Variants in SLC9A9 observed in about 807,000 individuals in gnomAD.
SLC9A9 encodes the protein solute carrier family 9 member A9.
Under a neutral mutation model 77.8 loss-of-function variants are expected in SLC9A9, and 62 were observed. The ratio of observed to expected loss-of-function variants is 0.80; its 90% CI spans 0.65 to 0.98. SLC9A9 has a LOEUF of 0.98. Ranked by LOEUF, SLC9A9 falls within the 50% of genes least tolerant of loss-of-function variation. SLC9A9 has a pLI of 0.00. For synonymous variants in SLC9A9, 320 were observed against 283.5 expected (o/e 1.13, Z -1.29); for missense variants, 775 against 774.9 (o/e 1.00, Z 0.00).
intron 6 of SLC9A9, among the ~76,000 whole-genome samples, chr3:143,649,457 C>T (rs760583146): frequency 3.3e-5 from 5 of 152,244 alleles, no homozygotes; most frequent in Non-Finnish European, 7.4e-5. Context: ...TAGCACCCAC[C>T]ACCTGCTGCT....
intron 12 of SLC9A9, among the ~76,000 whole-genome samples, chr3:143,406,278 C>T (rs944773415): frequency 1.1e-4 from 16 of 152,214 alleles, no homozygotes; most frequent in Admixed American, 3.9e-4. Context: ...TTATTTAAAA[C>T]GGAGAATAAT....
At chr3:143,763,575 T>C (rs1466148849) in intron 4 of SLC9A9, among the ~76,000 whole-genome samples, 6 of 152,190 alleles carry the variant, frequency 3.9e-5, no homozygotes, top group African/African-American at 7.2e-5. Flanking sequence ...CCTCCTGTGA[T>C]AGGTGTTACT....
Position 143,433,169 on chromosome 3 carries a change from C to T in SLC9A9, c.1469+33868G>A, listed in dbSNP as rs987432303. Among the ~76,000 whole-genome samples, 4 of 152,112 alleles carry T rather than the reference C, an allele frequency of 2.6e-5. No homozygotes were observed. In the South Asian group the frequency reaches 8.3e-4, roughly 32 times the overall value. ...ACAGAAATCAATCTTGATAAGTTTGCTCTTGATTTCATGGAAGGGTGGACA... is the reference window on the plus strand; with the variant it reads ...ACAGAAATCAATCTTGATAAGTTTGTTCTTGATTTCATGGAAGGGTGGACA... On this transcript the variant is annotated intron_variant, in intron 12 of 15. Coordinates refer to ENST00000316549, the MANE Select transcript of SLC9A9 (RefSeq NM_173653.4).
At chr3:143,762,210 A>C (rs1014238779) in intron 4 of SLC9A9, among the ~76,000 whole-genome samples, 1 of 152,150 alleles carries the variant, frequency 6.6e-6, no homozygotes, top group Non-Finnish European at 1.5e-5. Flanking sequence ...GGGAGGGGGA[A>C]GGGATAGCAT....
chr3:143,590,443 A>G (rs1057233564), intron 6 of SLC9A9, among the ~76,000 whole-genome samples: 1 of 152,238 alleles, frequency 6.6e-6, no homozygotes, highest in African/African-American at 2.4e-5. Context: ...TGGGAATTCC[A>G]ACTAGTGTAT....
intron 4 of SLC9A9, among the ~76,000 whole-genome samples, chr3:143,783,084 T>G (rs2007933940): frequency 6.6e-6 from 1 of 152,164 alleles, no homozygotes; most frequent in Non-Finnish European, 1.5e-5. Context: ...TTATATCTAT[T>G]TTCATCATCT....
chr3:143,644,370 G>A (rs1195559778), intron 6 of SLC9A9, among the ~76,000 whole-genome samples: 1 of 152,248 alleles, frequency 6.6e-6, no homozygotes, highest in Non-Finnish European at 1.5e-5. Flanking sequence ...CAAGTTCTAA[G>A]TTACGGGGTA....
chr3:143,485,681 C>A (rs908473785), intron 11 of SLC9A9, among the ~76,000 whole-genome samples: 9 of 152,064 alleles, frequency 5.9e-5, no homozygotes, highest in Middle Eastern at 6.8e-3. Flanking sequence ...ACTCAAATGT[C>A]AAGTTTTTAA....
intron 14 of SLC9A9, among the ~76,000 whole-genome samples, chr3:143,273,308 T>C (rs1937949203): frequency 1.3e-5 from 2 of 152,250 alleles, no homozygotes; most frequent in Admixed American, 1.3e-4. Flanking sequence ...TAGGGTTATG[T>C]TGAAGCCCTA....
At chr3:143,337,272 C>G (rs138662131) in intron 14 of SLC9A9, among the ~76,000 whole-genome samples, 1 of 152,194 alleles carries the variant, frequency 6.6e-6, no homozygotes, top group African/African-American at 2.4e-5. Flanking sequence ...TTCCACCCCC[C>G]ACCCTCATTC....
intron 6 of SLC9A9, among the ~76,000 whole-genome samples, chr3:143,597,147 G>A (rs948993747): frequency 3.9e-5 from 6 of 152,232 alleles, no homozygotes; most frequent in Non-Finnish European, 7.3e-5. Flanking sequence ...GCGAGTATGA[G>A]TCAGCAAGTT....
chr3:143,777,158 AC>A, intron 4 of SLC9A9, among the ~76,000 whole-genome samples: 1 of 151,802 alleles, frequency 6.6e-6, no homozygotes, highest in Non-Finnish European at 1.5e-5. Context: ...TATGAATGAA[AC>A]CCCGTTTTAC....
chr3:143,334,807 G>A (rs1446975331), intron 14 of SLC9A9, among the ~76,000 whole-genome samples: 2 of 152,090 alleles, frequency 1.3e-5, no homozygotes, highest in Non-Finnish European at 2.9e-5. Context: ...GATATGCCAA[G>A]ATATGCCTAA....
intron 4 of SLC9A9, among the ~76,000 whole-genome samples, chr3:143,791,729 G>A (rs576239938): frequency 4.6e-5 from 7 of 152,246 alleles, no homozygotes; most frequent in Non-Finnish European, 1.0e-4. Flanking sequence ...TTCTCAAAGA[G>A]TTTGATCTAA....
intron 12 of SLC9A9, among the ~76,000 whole-genome samples, chr3:143,396,372 C>T (rs2033728799): frequency 6.6e-6 from 1 of 152,174 alleles, no homozygotes; most frequent in Admixed American, 6.5e-5. Flanking sequence ...CGCATGTTCT[C>T]ACTCATAGGT....
intron 6 of SLC9A9, among the ~76,000 whole-genome samples, chr3:143,633,253 T>G (rs1175891626): frequency 6.6e-6 from 1 of 152,192 alleles, no homozygotes; most frequent in African/African-American, 2.4e-5. Flanking sequence ...AAAATGCATT[T>G]ATTTCTTAAA....
chr3:143,739,294 G>A (rs767377233), intron 4 of SLC9A9, among the ~76,000 whole-genome samples: 12 of 152,062 alleles, frequency 7.9e-5, no homozygotes, highest in East Asian at 1.9e-4. Flanking sequence ...CTTCTATCAC[G>A]CAGAAAATGC....
Position 143,585,223 on chromosome 3 carries a change from G to A in SLC9A9, c.756-6500C>T, listed in dbSNP as rs112805904. ...CTCAGTGCCTGTCACCCCTCAGGAG[G>A]TGAAAGGAAATTCCTTGTGGACAAA... On this transcript the variant is annotated intron_variant, in intron 6 of 15. Transcript: ENST00000316549. Among the ~76,000 whole-genome samples, 11 of 152,292 alleles carry A rather than the reference G, an allele frequency of 7.2e-5. 1 individual carries two copies. The highest frequency in any genetic ancestry group is 2.6e-4 in the African/African-American group (11 of 41,566).
intron 4 of SLC9A9, among the ~76,000 whole-genome samples, chr3:143,793,009 C>G (rs2008267880): frequency 6.6e-6 from 1 of 152,028 alleles, no homozygotes; most frequent in Non-Finnish European, 1.5e-5. Context: ...TTTTAATGAC[C>G]CAAATTAAGA....
Sources: gnomAD v4.1 joint callset for allele counts (sites outside exome capture counted in the v4.1 genomes callset) on GRCh38, gnomAD v4.1.1 for gene constraint, MANE v1.5 for transcripts, NCBI Gene and HGNC (gene_info 2026-07-23, HGNC 2026-07-21) for gene names.